PINLYP: variants seen among roughly 807,000 people sequenced by gnomAD.
The protein encoded by PINLYP is phospholipase A2 inhibitor and LY6/PLAUR domain containing.
PINLYP carries 12 observed loss-of-function variants against 15.8 expected under a neutral mutation model. The ratio of observed to expected loss-of-function variants is 0.76; its 90% CI spans 0.49 to 1.23. The LOEUF (loss-of-function observed/expected upper bound fraction) is 1.23, where lower values mean the gene tolerates loss of function less well. Ranked by LOEUF, PINLYP falls within the 50% of genes most tolerant of loss-of-function variation. The probability of loss-of-function intolerance (pLI) is 0.00; values close to 1 mark genes in which losing one functional copy is unlikely to be tolerated. For synonymous variants in PINLYP, 93 were observed against 97.7 expected, an observed-to-expected ratio of 0.95 and a Z score of 0.28; for missense variants, 278 against 264.2, an observed-to-expected ratio of 1.05 and a Z score of -0.36.
At chr19:43,575,670 T>A (rs976302461), upstream of PINLYP, 5 of 434,594 alleles carry the variant, frequency 1.2e-5, no homozygotes, top group South Asian at 4.5e-5. Context: ...AGCGCTGCGT[T>A]CCTTAGCAAC....
At chr19:43,576,573 G>C (rs3213242) in exon 1 of PINLYP, among the ~76,000 whole-genome samples, 2,621 of 152,156 alleles carry the variant, frequency 0.017, 72 homozygotes, top group African/African-American at 0.06. Flanking sequence ...TACTACGCCC[G>C]CCTATGACTG....
intron 2 of PINLYP, 90 bp downstream of exon 2, chr19:43,577,351 G>T: frequency 2.4e-6 from 3 of 1,267,966 alleles, no homozygotes; most frequent in South Asian, 1.7e-5. Flanking sequence ...GAGAGAAAGA[G>T]CCTTCAGCAA....
chr19:43,578,219 G>A (rs967739458), intron 2 of PINLYP, among the ~76,000 whole-genome samples: 3 of 152,086 alleles, frequency 2.0e-5, no homozygotes, highest in African/African-American at 7.2e-5. Flanking sequence ...CTTCAAGGAG[G>A]AGAATCCCAC....
At chr19:43,581,098 C>A in intron 3 of PINLYP, 114 bp from the exon 4 acceptor site, 2 of 1,144,858 alleles carry the variant, frequency 1.7e-6, no homozygotes, top group South Asian at 1.7e-5. Flanking sequence ...AGAAAGAGAC[C>A]ATCCCAGGAA....
At chr19:43,580,544 A>G (rs995119961) in intron 3 of PINLYP, 8 of 972,458 alleles carry the variant, frequency 8.2e-6, no homozygotes, top group Non-Finnish European at 9.7e-6. Context: ...GGAAGAGACC[A>G]TTTCACGAAG....
chr19:43,582,039 G>C, exon 6 of PINLYP: 1 of 1,533,380 alleles, frequency 6.5e-7, no homozygotes, highest in Non-Finnish European at 8.7e-7. Flanking sequence ...GTAGTGTGAA[G>C]TCCCCATTTG....
intron 4 of PINLYP, 99 bp downstream of exon 4, chr19:43,581,463 C>T: frequency 6.6e-7 from 1 of 1,510,974 alleles, no homozygotes; most frequent in South Asian, 1.3e-5. Context: ...CTGTAAAATG[C>T]AGTGTCTATT....
intron 3 of PINLYP, chr19:43,580,933 C>T (rs1370436155): frequency 3.0e-6 from 1 of 337,004 alleles, no homozygotes; most frequent in African/African-American, 2.2e-5. Context: ...GAAACCCCGT[C>T]TCTATTAAAA....
chr19:43,576,582 T>C (rs1972867353), exon 1 of PINLYP, among the ~76,000 whole-genome samples: 1 of 152,170 alleles, frequency 6.6e-6, no homozygotes, highest in Admixed American at 6.5e-5. Flanking sequence ...CGCCTATGAC[T>C]GCCGACAGAC....
At chr19:43,575,665 T>C, upstream of PINLYP, 1 of 448,564 alleles carries the variant, frequency 2.2e-6, no homozygotes. Flanking sequence ...GGAAGAGCGC[T>C]GCGTTCCTTA....
At chr19:43,578,377 G>A (rs1284667581) in intron 2 of PINLYP, among the ~76,000 whole-genome samples, 4 of 152,120 alleles carry the variant, frequency 2.6e-5, no homozygotes, top group African/African-American at 7.2e-5. Flanking sequence ...TGGTGGAGTC[G>A]CTTCCCGCCC....
At chr19:43,578,757 G>C in intron 3 of PINLYP, 51 bp downstream of exon 3, 1 of 1,378,328 alleles carries the variant, frequency 7.3e-7, no homozygotes, top group Non-Finnish European at 1.0e-6. Flanking sequence ...GTACCTTCAG[G>C]GTGGAAGAGA....
At position 43,581,193 on chromosome 19, in the gene PINLYP, G is replaced by T. The variant is rs1245944691; in HGVS notation, c.188-19G>T. Reference sequence around the variant, plus strand: ...GGAGTGGTCAGCCAGCACTGTCCCTGCCTGTCCCCATCCCACAGAGGGCAA... The same window carrying T: ...GGAGTGGTCAGCCAGCACTGTCCCTTCCTGTCCCCATCCCACAGAGGGCAA... On this transcript the variant is annotated intron_variant, in intron 3 of 5. Coordinates refer to ENST00000599207, the Ensembl canonical transcript of PINLYP. 1.2e-5 allele frequency: 18 copies of T among 1,535,826 alleles called. No homozygotes were observed. Among genetic ancestry groups the T allele is most frequent in the Non-Finnish European group, 1.5e-5 (17 of 1,146,484 alleles).
At position 43,577,111 on chromosome 19, in the gene PINLYP, G is replaced by A. The variant is rs1322415479; in HGVS notation, c.-77-4G>A. On this transcript the variant is annotated splice_polypyrimidine_tract_variant and splice_region_variant and intron_variant, in intron 1 of 5. Transcript: ENST00000599207. ...GTTCTGACCTCAGCTATTTCTCCCC[G>A]TAGGGTGAATGTGGGTCCAGACCCA... 7.8e-6 allele frequency: 12 copies of A among 1,535,234 alleles called. No individual in the cohort carries two copies. The highest frequency in any genetic ancestry group is 4.9e-5 in the East Asian group (2 of 40,910).
rs3213238 is a variant in PINLYP at position 43,577,054 on chromosome 19, C to A, written c.-77-61C>A. 758 of 1,480,096 alleles carry A rather than the reference C, an allele frequency of 5.1e-4. 7 individuals are homozygous for A. In the African/African-American group the frequency reaches 9.6e-3, roughly 19 times the overall value. 91.7% of individuals were successfully genotyped at this position (1,480,096 alleles called of 1,614,324 possible). On this transcript the variant is annotated intron_variant, in intron 1 of 5. Coordinates refer to ENST00000599207, the Ensembl canonical transcript of PINLYP. Reference sequence around the variant, plus strand: ...CACTTTTGGATTCTGGTTCTGCCTTCCCAACCCGGAGGCCACAGAGGACTG... The same window carrying A: ...CACTTTTGGATTCTGGTTCTGCCTTACCAACCCGGAGGCCACAGAGGACTG...
chr19:43,576,704 GGGAA>G lies in PINLYP; in HGVS notation c.-290_-287del, dbSNP rs1568521472. ...GTGTGAGCCGAGCACATGAAGAGAG[GGGAA>G]GGGAGACAAGGCACCCCGCACCCGC... On this transcript the variant is annotated 5_prime_UTR_variant, in exon 1 of 6. The change abolishes the stop of an existing upstream ORF in the 5' untranslated region. Coordinates refer to ENST00000599207, the Ensembl canonical transcript of PINLYP. The G allele has an allele frequency of 6.0e-6, 1 of 165,410 alleles. No homozygotes were observed. The highest frequency in any genetic ancestry group is 1.3e-5 in the Non-Finnish European group (1 of 75,836). 10.2% of individuals were successfully genotyped at this position (165,410 alleles called of 1,614,324 possible).
chr19:43,580,596 G>A lies in PINLYP; in HGVS notation c.188-616G>A, dbSNP rs1972918524. On this transcript the variant is annotated intron_variant, in intron 3 of 5. Transcript: ENST00000599207. ...AGGCGGCCTGAAATAGAGTAATCCC[G>A]GAAGGACAGGGAGAGAGGGGTGGCC... 3 of 975,902 alleles carry A rather than the reference G, an allele frequency of 3.1e-6. No individual in the cohort carries two copies. In the East Asian group the frequency reaches 3.7e-4, roughly 119 times the overall value. The allele number at this position is 975,902 out of a possible 1,614,324, so 60.5% of individuals were successfully genotyped here. A position where few individuals can be genotyped will look rare whatever the true frequency, so the allele number is the denominator to read the frequency against.
chr19:43,582,035 T>C, exon 6 of PINLYP: 3 of 1,534,938 alleles, frequency 2.0e-6, no homozygotes, highest in Non-Finnish European at 1.7e-6. Context: ...TAATGTAGTG[T>C]GAAGTCCCCA....
At position 43,576,989 on chromosome 19, in the gene PINLYP, T is replaced by G. The variant is rs1425303093; in HGVS notation, c.-78+70T>G. On this transcript the variant is annotated intron_variant, in intron 1 of 5. Transcript: ENST00000599207. ...GGGATGGAAGCCCAGACTCCTGGGG[T>G]CTCCATGGAGGTGGGGGGCTGGGCA... The G allele has an allele frequency of 3.4e-6, 3 of 878,058 alleles. No individual in the cohort carries two copies. In the East Asian group the frequency reaches 8.2e-5, roughly 24 times the overall value. 54.4% of individuals were successfully genotyped at this position (878,058 alleles called of 1,614,324 possible). A position where few individuals can be genotyped will look rare whatever the true frequency, so the allele number is the denominator to read the frequency against.
Sources: allele counts gnomAD v4.1 joint callset (sites outside exome capture counted in the v4.1 genomes callset), GRCh38; gene constraint gnomAD v4.1.1; transcripts MANE v1.5; gene names NCBI Gene and HGNC (gene_info 2026-07-23, HGNC 2026-07-21).